Variants in IDO2 observed in about 807,000 individuals in gnomAD.
IDO2 encodes the protein indoleamine 2,3-dioxygenase 2.
In IDO2, 46 loss-of-function variants were observed where a neutral mutation model predicts 45.1. The ratio of observed to expected loss-of-function variants is 1.02; its 90% CI spans 0.80 to 1.30. The LOEUF is 1.30. IDO2 is among the 50% of genes most tolerant of loss of function. The pLI is 0.00. For missense variants in IDO2, 544 were observed against 491.8 expected (o/e 1.11, Z -1.00); for synonymous variants, 218 against 184.9 (o/e 1.18, Z -1.45).
In IDO2 at chr8:39,963,453, A is replaced by G. The variant is rs529956091; in HGVS notation, c.100-155A>G. On this transcript the variant is annotated intron_variant, in intron 2 of 10. Coordinates refer to ENST00000502986, the Ensembl canonical transcript of IDO2. ...CTTAGTCATCTGTGTATCTGAGGTG[A>G]GCACAGGGCCTAACTAGCATATGGT... Among the ~76,000 whole-genome samples, 27 of 152,308 alleles carry G rather than the reference A, an allele frequency of 1.8e-4. 1 individual carries two copies. In the South Asian group the frequency reaches 5.4e-3, roughly 30 times the overall value.
chr8:39,974,834 T>C (rs760532493), intron 3 of IDO2, among the ~76,000 whole-genome samples: 1 of 152,164 alleles, frequency 6.6e-6, no homozygotes, highest in Non-Finnish European at 1.5e-5. Flanking sequence ...GGCAGGAGAA[T>C]AGCTTGAACC....
At chr8:39,967,875 A>G (rs1266145191) in intron 3 of IDO2, among the ~76,000 whole-genome samples, 1 of 152,200 alleles carries the variant, frequency 6.6e-6, no homozygotes, top group Non-Finnish European at 1.5e-5. Flanking sequence ...AGCAATAGAG[A>G]CTTTCATTCA....
intron 3 of IDO2, among the ~76,000 whole-genome samples, chr8:39,964,985 T>G (rs1010089228): frequency 1.3e-5 from 2 of 152,206 alleles, no homozygotes; most frequent in African/African-American, 4.8e-5. Flanking sequence ...CCTGGAACAG[T>G]TGGCAAGAGG....
chr8:39,957,172 C>G lies in IDO2; in HGVS notation c.100-6436C>G, dbSNP rs148307446. Among the ~76,000 whole-genome samples, 112 of 152,042 alleles carry G rather than the reference C, an allele frequency of 7.4e-4. 1 individual carries two copies. In the East Asian group the frequency reaches 0.01, roughly 14 times the overall value. ...TCAGCACTATCATGGAAATATATTT[C>G]CAAGGTGACCAGTTTTCTCCATTTC... On this transcript the variant is annotated intron_variant, in intron 2 of 10. Transcript: ENST00000502986.
intron 1 of IDO2, among the ~76,000 whole-genome samples, chr8:39,942,473 G>A (rs1167370276): frequency 6.6e-6 from 1 of 152,148 alleles, no homozygotes; most frequent in Non-Finnish European, 1.5e-5. Context: ...ACTAAAGCCT[G>A]TCTCTACCAA....
At chr8:39,936,571 C>T (rs750206153) in intron 1 of IDO2, among the ~76,000 whole-genome samples, 3 of 152,202 alleles carry the variant, frequency 2.0e-5, no homozygotes. Flanking sequence ...CTGTTACCCC[C>T]AGACCCAGGG....
At chr8:39,989,393 G>A (rs1418438339) in intron 7 of IDO2, among the ~76,000 whole-genome samples, 4 of 133,524 alleles carry the variant, frequency 3.0e-5, no homozygotes, top group Admixed American at 2.9e-4. Flanking sequence ...GAGCAAGGAT[G>A]CCCCAGTTGG....
At chr8:39,978,790 G>A (rs893950424) in intron 3 of IDO2, among the ~76,000 whole-genome samples, 1 of 152,106 alleles carries the variant, frequency 6.6e-6, no homozygotes, top group Non-Finnish European at 1.5e-5. Flanking sequence ...CTTCAGGGAT[G>A]GAGACGGGAG....
In IDO2 at chr8:39,989,649, T is replaced by G. The variant is rs191470063; in HGVS notation, c.550-72T>G. ...CCGGTCCTCCCCTGGGTTCCAACAG[T>G]ATGAGGCTTACTCTGCCTGCATGGA... On this transcript the variant is annotated intron_variant, in intron 7 of 10. Coordinates refer to ENST00000502986, the Ensembl canonical transcript of IDO2. The G allele has an allele frequency of 8.4e-6, 9 of 1,067,196 alleles. No homozygotes were observed. The African/African-American group carries it at 1.4e-4, about 17-fold the overall frequency. The allele number at this position is 1,067,196 out of a possible 1,614,324, so 66.1% of individuals were successfully genotyped here.
At chr8:39,951,793 G>A (rs938013433) in intron 2 of IDO2, among the ~76,000 whole-genome samples, 1 of 152,208 alleles carries the variant, frequency 6.6e-6, no homozygotes, top group African/African-American at 2.4e-5. Context: ...CGTACACTGA[G>A]CTGAGGAAAA....
intron 8 of IDO2, among the ~76,000 whole-genome samples, chr8:39,999,275 G>GTTTT (rs1491122638): frequency 9.9e-6 from 1 of 100,652 alleles, no homozygotes. Context: ...TTCTGCTGCT[G>GTTTT]CTTTTTTTTT....
chr8:40,015,541 T>A, exon 11 of IDO2: 1 of 1,611,840 alleles, frequency 6.2e-7, no homozygotes, highest in Non-Finnish European at 8.5e-7. Context: ...ACCGCAGTTA[T>A]GAGCTTTCTT....
At chr8:39,937,200 C>T (rs1180722185) in intron 1 of IDO2, among the ~76,000 whole-genome samples, 1 of 152,158 alleles carries the variant, frequency 6.6e-6, no homozygotes, top group Non-Finnish European at 1.5e-5. Flanking sequence ...CTGTGGAGCT[C>T]TGTGGATACA....
intron 4 of IDO2, among the ~76,000 whole-genome samples, chr8:39,981,111 G>T (rs973032713): frequency 6.7e-6 from 1 of 150,126 alleles, no homozygotes; most frequent in Non-Finnish European, 1.5e-5. Flanking sequence ...ACCCAGGCTG[G>T]AGTGCAGTGG....
chr8:39,989,535 C>G (rs1205229426), intron 7 of IDO2, among the ~76,000 whole-genome samples, 186 bp from the exon 8 acceptor site: 2 of 152,144 alleles, frequency 1.3e-5, no homozygotes, highest in Non-Finnish European at 2.9e-5. Flanking sequence ...AGGGGTCTGT[C>G]TGGGAGGTCC....
chr8:40,006,242 A>G (rs534890314), intron 9 of IDO2, among the ~76,000 whole-genome samples: 11 of 152,086 alleles, frequency 7.2e-5, no homozygotes, highest in African/African-American at 2.4e-4. Flanking sequence ...CCATACAACC[A>G]TTCTGTTTTT....
At position 39,963,931 on chromosome 8, in the gene IDO2, G is replaced by T. The variant is rs566758091; in HGVS notation, c.195+228G>T. Reference sequence around the variant, plus strand: ...CAGCACAAAACAATGCCTGACACATGCCAATAACTCACCAAATGTTTGTTT... The same window carrying T: ...CAGCACAAAACAATGCCTGACACATTCCAATAACTCACCAAATGTTTGTTT... On this transcript the variant is annotated intron_variant, in intron 3 of 10. Transcript: ENST00000502986. 4.1e-4 allele frequency among the ~76,000 whole-genome samples: 62 copies of T among 152,168 alleles called. 1 individual carries two copies. The highest frequency in any genetic ancestry group is 4.4e-4 in the Non-Finnish European group (30 of 68,030).
chr8:39,948,103 C>T (rs1807765902), intron 1 of IDO2, among the ~76,000 whole-genome samples: 1 of 152,210 alleles, frequency 6.6e-6, no homozygotes, highest in South Asian at 2.1e-4. Flanking sequence ...AGTGCTATTT[C>T]TTTACGGCAC....
intron 1 of IDO2, among the ~76,000 whole-genome samples, chr8:39,939,546 C>CAAAAAAAAAA: frequency 1.4e-5 from 1 of 71,268 alleles, no homozygotes; most frequent in Non-Finnish European, 2.4e-5. Flanking sequence ...GACTCTGTCT[C>CAAAAAAAAAA]AAAAAAAAAA....
Sources: gnomAD v4.1 joint callset for allele counts (sites outside exome capture counted in the v4.1 genomes callset) on GRCh38, gnomAD v4.1.1 for gene constraint, MANE v1.5 for transcripts, NCBI Gene and HGNC (gene_info 2026-07-23, HGNC 2026-07-21) for gene names.